The following UBFD1 variants were observed in gnomAD, a reference collection of about 807,000 sequenced individuals.
UBFD1 encodes the protein ubiquitin domain-containing protein UBFD1.
In UBFD1, 12 loss-of-function variants were observed where a neutral mutation model predicts 35.1. That is an observed-to-expected ratio of 0.34 (90% CI 0.22 to 0.55). The LOEUF (loss-of-function observed/expected upper bound fraction) is 0.55, where lower values mean the gene tolerates loss of function less well. UBFD1 is among the 20% of genes least tolerant of loss of function. The pLI is 0.89. For missense variants in UBFD1, 337 were observed against 410.8 expected, an observed-to-expected ratio of 0.82 and a Z score of 1.55; for synonymous variants, 178 against 167.6, an observed-to-expected ratio of 1.06 and a Z score of -0.48.
chr16:23,564,535 C>T (rs558867438), intron 5 of UBFD1: 5 of 152,344 alleles, frequency 3.3e-5, no homozygotes, highest in Admixed American at 1.3e-4. Context: ...TGCCCAGCCT[C>T]TGTCAACTTT....
chr16:23,559,936 T>C, intron 3 of UBFD1: 2 of 1,431,528 alleles, frequency 1.4e-6, no homozygotes, highest in South Asian at 1.4e-5. Context: ...AGACCATGTG[T>C]TGAAAGGAAT....
rs557655068 is a variant in UBFD1 at position 23,572,731 on chromosome 16, C to T, written c.*2141C>T. The T allele has an allele frequency of 1.1e-3, 162 of 153,756 alleles. No individual in the cohort carries two copies. Among genetic ancestry groups the T allele is most frequent in the African/African-American group, 3.6e-3 (151 of 41,588 alleles). The allele number at this position is 153,756 out of a possible 1,614,324, so 9.5% of individuals were successfully genotyped here. On this transcript the variant is annotated 3_prime_UTR_variant, in exon 7 of 7. Coordinates refer to ENST00000395878, the MANE Select transcript of UBFD1 (RefSeq NM_019116.3). ...GTCATTTCAGGAGGACCAAAGCCTG[C>T]GTGAGCCTTTTTATTTTCAGTAAAA...
chr16:23,562,148 T>G (rs1243170871), intron 3 of UBFD1, 58 bp from the exon 4 acceptor site: 8 of 1,499,190 alleles, frequency 5.3e-6, no homozygotes, highest in Non-Finnish European at 7.4e-6. Context: ...TTCAAGGGAA[T>G]AGTAACACGA....
chr16:23,567,536 G>C (rs1214332670), intron 6 of UBFD1, among the ~76,000 whole-genome samples: 1 of 152,226 alleles, frequency 6.6e-6, no homozygotes, highest in Non-Finnish European at 1.5e-5. Context: ...TGAGGGCCTC[G>C]TGGGGAAGAC....
intron 5 of UBFD1, chr16:23,564,836 G>A (rs1042921429): frequency 6.6e-6 from 1 of 152,202 alleles, no homozygotes; most frequent in Non-Finnish European, 1.5e-5. Flanking sequence ...TCCTGACCCT[G>A]TATTGGAAGT....
At chr16:23,559,114 T>A (rs1357031518) in intron 2 of UBFD1, 1 of 189,612 alleles carries the variant, frequency 5.3e-6, no homozygotes, top group Non-Finnish European at 1.1e-5. Context: ...TCTGTAGCTC[T>A]GATGCCTGTG....
chr16:23,557,896 G>A (rs1254779708), intron 1 of UBFD1, 54 bp from the exon 2 acceptor site: 1 of 1,274,838 alleles, frequency 7.8e-7, no homozygotes. Flanking sequence ...CCCGGACAGC[G>A]TCCGTTCCCA....
intron 4 of UBFD1, 68 bp downstream of exon 4, chr16:23,562,339 C>A: frequency 2.9e-6 from 4 of 1,377,238 alleles, no homozygotes; most frequent in Non-Finnish European, 4.0e-6. Flanking sequence ...GAGGTTCCTC[C>A]AATCCTGTCC....
chr16:23,566,305 T>A (rs1966010068), intron 5 of UBFD1: 1 of 152,122 alleles, frequency 6.6e-6, no homozygotes, highest in Non-Finnish European at 1.5e-5. Flanking sequence ...CCCAAGACCT[T>A]AGTCAATGCT....
chr16:23,557,758 GC>G lies in UBFD1; in HGVS notation c.20del (p.Pro7ArgfsTer82). The G allele has an allele frequency of 1.5e-6, 2 of 1,301,674 alleles. No individual in the cohort carries two copies. Among genetic ancestry groups the G allele is most frequent in the Non-Finnish European group, 2.0e-6 (2 of 1,024,520 alleles). The allele number at this position is 1,301,674 out of a possible 1,614,324, so 80.6% of individuals were successfully genotyped here. On this transcript the variant is annotated frameshift_variant, in exon 1 of 7. Coordinates refer to ENST00000395878, the MANE Select transcript of UBFD1 (RefSeq NM_019116.3). LOFTEE classifies it high-confidence loss of function. Reference sequence around the variant, plus strand: ...CACAATCATCATGGCGGCGGCCGGGGCCCCGGATGGTGAGTGCGGCGGGGGT... The same window carrying G: ...CACAATCATCATGGCGGCGGCCGGGGCCCGGATGGTGAGTGCGGCGGGGGT... MAAAG[A>X]PDGMEEPGMD...
At chr16:23,564,508 CT>C (rs1326957216) in intron 5 of UBFD1, 2 of 152,226 alleles carry the variant, frequency 1.3e-5, no homozygotes, top group Non-Finnish European at 2.9e-5. Context: ...TCCATCTTCC[CT>C]TTATCAGTAG....
chr16:23,560,421 G>C (rs923234347), intron 3 of UBFD1, among the ~76,000 whole-genome samples: 3 of 152,166 alleles, frequency 2.0e-5, no homozygotes, highest in African/African-American at 7.2e-5. Context: ...GTTCTTCCTA[G>C]TGTTCCAAGG....
At chr16:23,566,890 G>A in intron 5 of UBFD1, 97 bp from the exon 6 acceptor site, 1 of 1,181,010 alleles carries the variant, frequency 8.5e-7, no homozygotes, top group South Asian at 1.3e-5. Flanking sequence ...GTTTACTGTA[G>A]ATCCCGCAGC....
rs150368964 is a variant in UBFD1 at position 23,570,102 on chromosome 16, C to T, written c.820-378C>T. ...ATGTGTGACAGGTTTTCTAGGGCAG[C>T]GTTTCTCCAACTGTGGTCCCTGGAT... On this transcript the variant is annotated intron_variant, in intron 6 of 6. Coordinates refer to ENST00000395878, the MANE Select transcript of UBFD1 (RefSeq NM_019116.3). Among the ~76,000 whole-genome samples, 30 of 152,274 alleles carry T rather than the reference C, an allele frequency of 2.0e-4. No homozygotes were observed. In the East Asian group the frequency reaches 3.9e-3, roughly 20 times the overall value.
intron 5 of UBFD1, among the ~76,000 whole-genome samples, chr16:23,562,986 A>G (rs1965959617): frequency 6.6e-6 from 1 of 152,222 alleles, no homozygotes; most frequent in Admixed American, 6.5e-5. Context: ...GGGGGTCCCA[A>G]ACACGTGGCC....
At chr16:23,561,319 T>TAA (rs1567398760) in intron 3 of UBFD1, among the ~76,000 whole-genome samples, 1 of 152,190 alleles carries the variant, frequency 6.6e-6, no homozygotes, top group Non-Finnish European at 1.5e-5. Context: ...GCCTAGTGCT[T>TAA]ACATTTGATT....
At chr16:23,559,300 C>T (rs1399443891) in intron 2 of UBFD1, 168 bp from the exon 3 acceptor site, 4 of 603,966 alleles carry the variant, frequency 6.6e-6, no homozygotes, top group African/African-American at 5.6e-5. Context: ...AAATCTTCTA[C>T]AGTTCTAGAA....
chr16:23,567,195 C>G, intron 6 of UBFD1, 126 bp downstream of exon 6: 2 of 835,992 alleles, frequency 2.4e-6, no homozygotes, highest in South Asian at 3.4e-5. Context: ...TTTTTTAAGA[C>G]CCTGATGTTT....
Position 23,567,815 on chromosome 16 carries a change from T to C in UBFD1, c.819+746T>C, listed in dbSNP as rs199540626. Among the ~76,000 whole-genome samples the C allele has an allele frequency of 3.2e-4, 49 of 152,378 alleles. No homozygotes were observed. The East Asian group carries it at 9.2e-3, about 29-fold the overall frequency. The stretch of plus-strand genomic sequence containing the variant: ...ATGTGAGGGCGGGGCCTCCGGCCAT[T>C]GTTCATCCAAGGAGGCAGGCCTTTC... On this transcript the variant is annotated intron_variant, in intron 6 of 6. Transcript: ENST00000395878.
Sources: gnomAD v4.1 joint callset for allele counts (sites outside exome capture counted in the v4.1 genomes callset) on GRCh38, gnomAD v4.1.1 for gene constraint, MANE v1.5 for transcripts, NCBI Gene and HGNC (gene_info 2026-07-23, HGNC 2026-07-21) for gene names.